SHC4: variants seen among roughly 807,000 people sequenced by gnomAD.
The protein encoded by SHC4 is SHC adaptor protein 4, also known as SHC-transforming protein 4.
SHC4 carries 41 observed loss-of-function variants against 69.4 expected under a neutral mutation model. The ratio of observed to expected loss-of-function variants is 0.59; its 90% CI spans 0.46 to 0.77. The LOEUF (loss-of-function observed/expected upper bound fraction) is 0.77. Ranked by LOEUF, SHC4 falls within the 30% of genes least tolerant of loss-of-function variation. The pLI, the probability that SHC4 is intolerant of heterozygous loss-of-function variation, is 0.00. For missense variants in SHC4, 777 were observed against 783.8 expected (o/e 0.99, Z 0.10); for synonymous variants, 318 against 299.3 (o/e 1.06, Z -0.64).
chr15:48,960,630 CTGTT>C (rs1243028855), intron 1 of SHC4, among the ~76,000 whole-genome samples: 1 of 152,126 alleles, frequency 6.6e-6, no homozygotes, highest in Admixed American at 6.5e-5. Flanking sequence ...TCCTAATTGT[CTGTT>C]TGTAATACTG....
At chr15:48,868,395 T>C (rs1209219832) in intron 5 of SHC4, among the ~76,000 whole-genome samples, 1 of 151,970 alleles carries the variant, frequency 6.6e-6, no homozygotes, top group Non-Finnish European at 1.5e-5. Flanking sequence ...AAAGTGAAAA[T>C]ACAAGGAATT....
intron 1 of SHC4, among the ~76,000 whole-genome samples, chr15:48,940,353 C>G (rs759898054): frequency 5.3e-5 from 8 of 152,302 alleles, no homozygotes; most frequent in African/African-American, 1.9e-4. Flanking sequence ...AGCTCCTCAA[C>G]AAAATTAAAT....
At chr15:48,878,767 C>CT in intron 4 of SHC4, 1 of 1,583,974 alleles carries the variant, frequency 6.3e-7, no homozygotes, top group Non-Finnish European at 8.6e-7. Flanking sequence ...GAGGAGGAAA[C>CT]TACTTGAGGA....
chr15:48,869,525 T>C (rs893190158), intron 5 of SHC4, among the ~76,000 whole-genome samples: 20 of 152,208 alleles, frequency 1.3e-4, no homozygotes, highest in Non-Finnish European at 1.5e-5. Context: ...TGTGACTGTG[T>C]GCCAGGACCT....
intron 2 of SHC4, among the ~76,000 whole-genome samples, chr15:48,921,181 A>C (rs751471227): frequency 3.3e-5 from 5 of 152,162 alleles, no homozygotes; most frequent in Non-Finnish European, 7.3e-5. Context: ...TCTTGAATAC[A>C]TTGTGCTAAA....
Position 48,839,268 on chromosome 15 carries a change from A to C in SHC4, c.1483+4141T>G, listed in dbSNP as rs150633458. 9.5e-4 allele frequency among the ~76,000 whole-genome samples: 144 copies of C among 152,340 alleles called. 1 individual carries two copies. In the East Asian group the frequency reaches 9.6e-3, roughly 10 times the overall value. On this transcript the variant is annotated intron_variant, in intron 10 of 11. Coordinates refer to ENST00000332408, the MANE Select transcript of SHC4 (RefSeq NM_203349.4). Reference sequence around the variant, plus strand: ...AAAATGGAATCCTGCCAAGTTTTCAAGGAAACTACATCGCCAAAGAAATCA... The same window carrying C: ...AAAATGGAATCCTGCCAAGTTTTCACGGAAACTACATCGCCAAAGAAATCA...
intron 1 of SHC4, among the ~76,000 whole-genome samples, chr15:48,929,707 A>C (rs1313522888): frequency 6.6e-6 from 1 of 152,218 alleles, no homozygotes; most frequent in Non-Finnish European, 1.5e-5. Flanking sequence ...TGGGAACTGC[A>C]GGAGGTGAGA....
chr15:48,867,934 T>A, intron 5 of SHC4, 65 bp from the exon 6 acceptor site: 2 of 1,374,774 alleles, frequency 1.5e-6, no homozygotes, highest in Non-Finnish European at 2.0e-6. Context: ...GAAACATATA[T>A]TTTGGACATG....
intron 9 of SHC4, among the ~76,000 whole-genome samples, chr15:48,850,756 T>C (rs911479227): frequency 2.6e-5 from 4 of 152,242 alleles, no homozygotes; most frequent in Non-Finnish European, 4.4e-5. Context: ...GATTCTCACA[T>C]TTCAGACATC....
chr15:48,883,853 T>C lies in SHC4; in HGVS notation c.840+395A>G, dbSNP rs77987372. ...CTAGAACATTAACCCCAACATCACC[T>C]TTCCCCTTTGTCCCTCATCTGTACC... On this transcript the variant is annotated intron_variant, in intron 4 of 11. Transcript: ENST00000332408. 5.1e-3 allele frequency among the ~76,000 whole-genome samples: 773 copies of C among 152,320 alleles called. 13 individuals carry two copies. Among genetic ancestry groups the C allele is most frequent in the African/African-American group, 0.018 (740 of 41,574 alleles).
chr15:48,945,075 C>T (rs370708617), intron 1 of SHC4, among the ~76,000 whole-genome samples: 2 of 152,146 alleles, frequency 1.3e-5, no homozygotes, highest in Non-Finnish European at 2.9e-5. Context: ...CCCTTGCTTT[C>T]GATAACAGTG....
At position 48,916,273 on chromosome 15, in the gene SHC4, T is replaced by TCA. The variant is rs71120648; in HGVS notation, c.656+8604_656+8605dup. On this transcript the variant is annotated intron_variant, in intron 2 of 11. Coordinates refer to ENST00000332408, the MANE Select transcript of SHC4 (RefSeq NM_203349.4). ...AATCTGCTTTGCAGCTGATGGTTGCTCACACACACACACACACACACACAC... is the reference window on the plus strand; with the variant it reads ...AATCTGCTTTGCAGCTGATGGTTGCTCACACACACACACACACACACACACAC... Among the ~76,000 whole-genome samples the TCA allele has an allele frequency of 2.6e-3, 372 of 142,536 alleles. 1 individual carries two copies. Among genetic ancestry groups the TCA allele is most frequent in the South Asian group, 4.0e-3 (17 of 4,290 alleles). The allele number at this position is 142,536 out of a possible 152,430, so 93.5% of individuals were successfully genotyped here.
intron 4 of SHC4, among the ~76,000 whole-genome samples, chr15:48,873,527 G>A (rs991067342): frequency 6.6e-6 from 1 of 152,208 alleles, no homozygotes; most frequent in Non-Finnish European, 1.5e-5. Context: ...GGCGGATCAT[G>A]AGGTCAGGAG....
At chr15:48,855,617 G>T (rs1341441767) in intron 8 of SHC4, among the ~76,000 whole-genome samples, 1 of 152,128 alleles carries the variant, frequency 6.6e-6, no homozygotes, top group African/African-American at 2.4e-5. Context: ...GAAGCACAGG[G>T]AAAAGATTAG....
intron 2 of SHC4, among the ~76,000 whole-genome samples, chr15:48,892,799 G>A (rs887736647): frequency 6.7e-6 from 1 of 149,504 alleles, no homozygotes; most frequent in Admixed American, 6.8e-5. Context: ...AGAGGCAGAG[G>A]TTGCAGTGAG....
Position 48,843,527 on chromosome 15 carries a change from G to A in SHC4, c.1365C>T (p.Cys455=). Residue 455 remains cysteine (C), a synonymous_variant, in exon 10 of 12, where the codon TGC becomes TGT. Coordinates refer to ENST00000332408, the MANE Select transcript of SHC4 (RefSeq NM_203349.4). ...AGGGGTCATCAAAGAGATCCACTCG[G>A]CACGTGTGCTTCAATAATGAGGTAT... ...QRDTSLLKHT[C]RVDLFDDPCY... is the part of the protein sequence containing the mutation. The A allele has an allele frequency of 6.2e-7, 1 of 1,614,140 alleles. No homozygotes were observed. The highest frequency in any genetic ancestry group is 1.7e-5 in the Admixed American group (1 of 60,018).
chr15:48,827,425 T>C (rs528378317), intron 11 of SHC4, among the ~76,000 whole-genome samples: 29 of 152,306 alleles, frequency 1.9e-4, no homozygotes, highest in African/African-American at 6.3e-4. Flanking sequence ...TGCTCTCAAA[T>C]GGCTCCAAAC....
At chr15:48,829,879 A>C (rs1898764501) in intron 11 of SHC4, among the ~76,000 whole-genome samples, 2 of 152,236 alleles carry the variant, frequency 1.3e-5, no homozygotes, top group South Asian at 4.1e-4. Flanking sequence ...AGATTGTGCC[A>C]CTGCACTCCA....
At chr15:48,878,394 G>A (rs532770133) in intron 4 of SHC4, 13 of 1,612,114 alleles carry the variant, frequency 8.1e-6, no homozygotes, top group East Asian at 2.2e-5. Context: ...GAGGGGAAAC[G>A]GAGCCTTGCT....
Sources: gnomAD v4.1 joint callset for allele counts (sites outside exome capture counted in the v4.1 genomes callset) on GRCh38, gnomAD v4.1.1 for gene constraint, MANE v1.5 for transcripts, NCBI Gene and HGNC (gene_info 2026-07-23, HGNC 2026-07-21) for gene names.